Variants in SEMA5A observed in about 807,000 individuals in gnomAD.
SEMA5A encodes semaphorin-5A.
In SEMA5A, 55 loss-of-function variants were observed where a neutral mutation model predicts 135.5. That is an observed-to-expected ratio of 0.41 (90% CI 0.33 to 0.51). The LOEUF (loss-of-function observed/expected upper bound fraction) is 0.51, where lower values mean the gene tolerates loss of function less well. Ranked by LOEUF, SEMA5A falls within the 20% of genes least tolerant of loss-of-function variation. SEMA5A has a pLI of 0.37. For missense variants in SEMA5A, 1,290 were observed against 1,419.9 expected (o/e 0.91, Z 1.47); for synonymous variants, 580 against 546.5 (o/e 1.06, Z -0.85).
chr5:9,150,994 G>A (rs952234633), intron 12 of SEMA5A, among the ~76,000 whole-genome samples: 1 of 152,136 alleles, frequency 6.6e-6, no homozygotes, highest in African/African-American at 2.4e-5. Flanking sequence ...ATGGGCCTGG[G>A]GCAGTCTCGG....
chr5:9,062,902 T>C lies in SEMA5A; in HGVS notation c.2503A>G (p.Ile835Val), dbSNP rs751803904. The change falls in exon 18 of 23, where the codon ATT becomes GTT. Residue 835 changes from isoleucine (I) to valine (V), a missense_variant. Physicochemically the swap from Ile to Val is conservative, Grantham distance 29 (BLOSUM62 3). Around this residue, in one of 3 missense-constraint regions of SEMA5A, gnomAD observed 1,029 missense variants for 1,086.6 expected, o/e 0.95. Coordinates refer to ENST00000382496, the MANE Select transcript of SEMA5A (RefSeq NM_003966.3). ...GPSLEYQECNILPCPVDGVWS... is the reference protein window; with the variant it reads ...GPSLEYQECNVLPCPVDGVWS... ...ATCCACTTACCTGGGCAGGGCAAAA[T>C]GTTGCATTCCTGGTATTCCAGAGAT... 6.2e-7 allele frequency: 1 copy of C among 1,614,232 alleles called. No homozygotes were observed. Among genetic ancestry groups the C allele is most frequent in the Non-Finnish European group, 8.5e-7 (1 of 1,180,044 alleles).
At chr5:9,475,099 C>T (rs1424577271) in intron 1 of SEMA5A, among the ~76,000 whole-genome samples, 1 of 152,164 alleles carries the variant, frequency 6.6e-6, no homozygotes, top group African/African-American at 2.4e-5. Context: ...GCACCACCTA[C>T]TTTCGTATTT....
chr5:9,358,829 T>A (rs1754564381), intron 3 of SEMA5A, among the ~76,000 whole-genome samples: 1 of 152,206 alleles, frequency 6.6e-6, no homozygotes, highest in African/African-American at 2.4e-5. Flanking sequence ...ATACCTGTCC[T>A]CTATGCTATG....
At chr5:9,542,269 C>T (rs868621673) in intron 1 of SEMA5A, among the ~76,000 whole-genome samples, 23 of 152,170 alleles carry the variant, frequency 1.5e-4, no homozygotes, top group African/African-American at 4.3e-4. Flanking sequence ...CAGGAGATTG[C>T]CCCCTATCAT....
Position 9,121,788 on chromosome 5 carries a change from T to G in SEMA5A, c.1781+868A>C, listed in dbSNP as rs142913766. ...ATGTGAGCAGAGGGCAAAGTCGGCCTTTTGCTCCTGCACTTTACTTTCCTG... is the reference window on the plus strand; with the variant it reads ...ATGTGAGCAGAGGGCAAAGTCGGCCGTTTGCTCCTGCACTTTACTTTCCTG... On this transcript the variant is annotated intron_variant, in intron 14 of 22. Transcript: ENST00000382496. Among the ~76,000 whole-genome samples, 554 of 152,324 alleles carry G rather than the reference T, an allele frequency of 3.6e-3. 2 individuals carry two copies. Among genetic ancestry groups the G allele is most frequent in the African/African-American group, 0.012 (506 of 41,574 alleles).
intron 1 of SEMA5A, among the ~76,000 whole-genome samples, chr5:9,539,004 CAATTT>C (rs1470096261): frequency 6.6e-6 from 1 of 152,166 alleles, no homozygotes; most frequent in Non-Finnish European, 1.5e-5. Context: ...TGTAAGTGTA[CAATTT>C]AATGATTTTT....
intron 16 of SEMA5A, among the ~76,000 whole-genome samples, chr5:9,072,141 TTA>T (rs1289624580): frequency 7.2e-5 from 11 of 152,112 alleles, no homozygotes; most frequent in African/African-American, 2.4e-4. Context: ...TAACAAAAAG[TTA>T]TATTAAATAA....
chr5:9,470,776 C>T (rs1759447105), intron 1 of SEMA5A, among the ~76,000 whole-genome samples: 1 of 152,274 alleles, frequency 6.6e-6, no homozygotes, highest in East Asian at 1.9e-4. Context: ...AAAGACAGAC[C>T]TCTTCAAAGA....
Position 9,051,970 on chromosome 5 carries a change from G to T in SEMA5A, c.2748C>A (p.Arg916=), listed in dbSNP as rs772415366. 2 of 1,613,728 alleles carry T rather than the reference G, an allele frequency of 1.2e-6. No individual in the cohort carries two copies. The highest frequency in any genetic ancestry group is 2.7e-5 in the African/African-American group (2 of 74,926). Residue 916 remains arginine (R), a synonymous_variant, in exon 20 of 23, where the codon CGC becomes CGA. Coordinates refer to ENST00000382496, the MANE Select transcript of SEMA5A (RefSeq NM_003966.3). ...SECEASGVQV[R]ARQCILLFPM... ...GGAACAGGAGGATGCACTGGCGGGC[G>T]CGGACTTGGACGCCAGAGGCTTCAC...
intron 16 of SEMA5A, among the ~76,000 whole-genome samples, chr5:9,088,277 C>T (rs1738815655): frequency 6.9e-6 from 1 of 144,560 alleles, no homozygotes; most frequent in Non-Finnish European, 1.5e-5. Context: ...GCACTCCAGC[C>T]TGGCAACAGA....
intron 2 of SEMA5A, among the ~76,000 whole-genome samples, chr5:9,411,217 T>C (rs1757095978): frequency 6.6e-6 from 1 of 152,212 alleles, no homozygotes; most frequent in African/African-American, 2.4e-5. Context: ...CCACTGGTTA[T>C]CTGTAGAGGC....
chr5:9,402,808 C>A (rs1212804895), intron 2 of SEMA5A, among the ~76,000 whole-genome samples: 1 of 152,184 alleles, frequency 6.6e-6, no homozygotes, highest in Non-Finnish European at 1.5e-5. Flanking sequence ...CTTGCCCCAG[C>A]CAGTATCCTG....
At position 9,496,081 on chromosome 5, in the gene SEMA5A, G is replaced by A. The variant is rs1430749307; in HGVS notation, c.-175+49503C>T. Among the ~76,000 whole-genome samples, 6 of 152,178 alleles carry A rather than the reference G, an allele frequency of 3.9e-5. No individual in the cohort carries two copies. The East Asian group carries it at 1.2e-3, about 29-fold the overall frequency. ...TATTTTGAGAGGAATCTCACTGTCT[G>A]TCACCCAGGATGGAGTGCAGTGGCA... On this transcript the variant is annotated intron_variant, in intron 1 of 22. Transcript: ENST00000382496.
rs1236551746 is a variant in SEMA5A, at chr5:9,353,292, AGGAAG to A, written c.125-15485_125-15481del. Among the ~76,000 whole-genome samples, 305 of 118,870 alleles carry A rather than the reference AGGAAG, an allele frequency of 2.6e-3. 5 individuals are homozygous for A. The highest frequency in any genetic ancestry group is 8.5e-3 in the African/African-American group (265 of 31,044). 78.0% of individuals were successfully genotyped at this position (118,870 alleles called of 152,430 possible). On this transcript the variant is annotated intron_variant, in intron 3 of 22. Transcript: ENST00000382496. ...AAGGAAAGGAAAGGAAAGGAGGGAA[AGGAAG>A]GGAAGGGAAGGGAAGGGAAAGGAAG...
chr5:9,117,508 T>C (rs929381671), intron 15 of SEMA5A, among the ~76,000 whole-genome samples: 1 of 152,244 alleles, frequency 6.6e-6, no homozygotes, highest in Non-Finnish European at 1.5e-5. Context: ...CAAAATTCAT[T>C]CATTCACACA....
intron 5 of SEMA5A, among the ~76,000 whole-genome samples, chr5:9,280,297 C>A (rs1199173814): frequency 1.3e-5 from 2 of 152,154 alleles, no homozygotes; most frequent in African/African-American, 4.8e-5. Context: ...AGCACATGAT[C>A]CCTATTGATC....
intron 5 of SEMA5A, among the ~76,000 whole-genome samples, chr5:9,317,288 C>A (rs1752434782): frequency 6.6e-6 from 1 of 151,978 alleles, no homozygotes; most frequent in African/African-American, 2.4e-5. Flanking sequence ...ATAGAAAATT[C>A]TTGATAAATT....
chr5:9,218,483 A>T (rs1746757919), intron 8 of SEMA5A, among the ~76,000 whole-genome samples: 1 of 152,228 alleles, frequency 6.6e-6, no homozygotes, highest in South Asian at 2.1e-4. Context: ...AAACATGCAG[A>T]GGGACTACCT....
At chr5:9,154,056 AAAAAAAAT>A (rs1277074293) in intron 12 of SEMA5A, among the ~76,000 whole-genome samples, 2 of 49,930 alleles carry the variant, frequency 4.0e-5, no homozygotes, top group Non-Finnish European at 1.1e-4. Flanking sequence ...AAAAAAAAAA[AAAAAAAAT>A]ATATATATAT....
Sources: allele counts gnomAD v4.1 joint callset (sites outside exome capture counted in the v4.1 genomes callset), GRCh38; gene constraint gnomAD v4.1.1; regional missense constraint gnomAD v4.1.1; transcripts MANE v1.5; gene names NCBI Gene and HGNC (gene_info 2026-07-23, HGNC 2026-07-21).